SLC4A5: variants seen among roughly 807,000 people sequenced by gnomAD.
SLC4A5 encodes the protein electrogenic sodium bicarbonate cotransporter 4.
A neutral mutation model predicts 120.4 loss-of-function variants in SLC4A5; 96 were observed. The ratio of observed to expected loss-of-function variants is 0.80; its 90% CI spans 0.68 to 0.94. The LOEUF is 0.94. SLC4A5 is among the 40% of genes least tolerant of loss of function. The probability of loss-of-function intolerance (pLI) is 0.00; values close to 1 mark genes in which losing one functional copy is unlikely to be tolerated. For missense variants in SLC4A5, 1,259 were observed against 1,459.5 expected, an observed-to-expected ratio of 0.86 and a Z score of 2.24; for synonymous variants, 550 against 571.1, an observed-to-expected ratio of 0.96 and a Z score of 0.53.
intron 5 of SLC4A5, chr2:74,319,422 A>G (rs543377515): frequency 6.6e-6 from 1 of 152,334 alleles, no homozygotes; most frequent in African/African-American, 2.4e-5. Context: ...TAGCACATAT[A>G]CTAAAACTGG....
chr2:74,304,455 T>C, intron 7 of SLC4A5, 34 bp downstream of exon 7: 1 of 1,573,448 alleles, frequency 6.4e-7, no homozygotes, highest in Non-Finnish European at 8.6e-7. Context: ...ACCAGCAGGA[T>C]GGCTCCCCAG....
chr2:74,335,716 G>A (rs2104350839), intron 3 of SLC4A5, among the ~76,000 whole-genome samples: 1 of 152,234 alleles, frequency 6.6e-6, no homozygotes, highest in African/African-American at 2.4e-5. Context: ...TGGAGGAAAA[G>A]ATTTCATTTT....
Position 74,277,971 on chromosome 2 carries a change from T to C in SLC4A5, c.401+7802A>G, listed in dbSNP as rs149551985. Among the ~76,000 whole-genome samples, 923 of 152,172 alleles carry C rather than the reference T, an allele frequency of 6.1e-3. 4 individuals are homozygous for C. The highest frequency in any genetic ancestry group is 0.021 in the African/African-American group (874 of 41,504). ...AAAAAGTGGTGGAGATAGATAAATATGAAACTTTGATGAAGCTGGGTGATG... is the reference window on the plus strand; with the variant it reads ...AAAAAGTGGTGGAGATAGATAAATACGAAACTTTGATGAAGCTGGGTGATG... On this transcript the variant is annotated intron_variant, in intron 8 of 30. Coordinates refer to ENST00000394019, the Ensembl canonical transcript of SLC4A5.
At chr2:74,249,634 G>A (rs1350008156) in intron 17 of SLC4A5, among the ~76,000 whole-genome samples, 3 of 152,122 alleles carry the variant, frequency 2.0e-5, no homozygotes, top group African/African-American at 7.2e-5. Context: ...GTGAACCACG[G>A]TATCACCTGC....
intron 11 of SLC4A5, 123 bp downstream of exon 11, chr2:74,262,014 T>C: frequency 1.2e-6 from 1 of 819,482 alleles, no homozygotes. Flanking sequence ...CTCCTCCTGA[T>C]GCATGCCCTG....
intron 8 of SLC4A5, among the ~76,000 whole-genome samples, chr2:74,276,845 G>A (rs75173799): frequency 0.021 from 3,200 of 152,042 alleles, 46 homozygotes; most frequent in Non-Finnish European, 0.027. Flanking sequence ...ATTTGGAATC[G>A]CTGTGGGATG....
At chr2:74,280,776 C>A (rs574873653) in intron 8 of SLC4A5, among the ~76,000 whole-genome samples, 1 of 152,232 alleles carries the variant, frequency 6.6e-6, no homozygotes, top group Non-Finnish European at 1.5e-5. Context: ...CCTCCGCCTC[C>A]CAGGTTCAAG....
At position 74,246,286 on chromosome 2, in the gene SLC4A5, A is replaced by G. The variant is rs370742615; in HGVS notation, c.2059+750T>C. ...CAGATGGACATCCAGAGAGTGTCCAAGTAACTTGCTACCAACCAAGGGGGC... is the reference window on the plus strand; with the variant it reads ...CAGATGGACATCCAGAGAGTGTCCAGGTAACTTGCTACCAACCAAGGGGGC... On this transcript the variant is annotated intron_variant, in intron 19 of 30. Coordinates refer to ENST00000394019, the Ensembl canonical transcript of SLC4A5. Among the ~76,000 whole-genome samples the G allele has an allele frequency of 2.6e-5, 4 of 152,182 alleles. No individual in the cohort carries two copies. In the East Asian group the frequency reaches 5.8e-4, roughly 22 times the overall value.
At chr2:74,299,315 C>T (rs982179814) in intron 7 of SLC4A5, among the ~76,000 whole-genome samples, 2 of 152,148 alleles carry the variant, frequency 1.3e-5, no homozygotes, top group African/African-American at 4.8e-5. Flanking sequence ...TGCGCCATTG[C>T]ACTCCATCCT....
chr2:74,232,731 A>G (rs1670137532), intron 23 of SLC4A5, 84 bp from the exon 24 acceptor site: 3 of 1,515,968 alleles, frequency 2.0e-6, no homozygotes, highest in East Asian at 4.8e-5. Context: ...ACATGGTTCA[A>G]GGACCCCCTG....
chr2:74,307,252 A>G (rs1672672057), intron 6 of SLC4A5: 2 of 514,454 alleles, frequency 3.9e-6, no homozygotes, highest in East Asian at 4.2e-5. Flanking sequence ...AGCTAATCAT[A>G]TTGGGCCCAG....
intron 5 of SLC4A5, among the ~76,000 whole-genome samples, chr2:74,318,568 C>A (rs1398237243): frequency 6.6e-6 from 1 of 152,002 alleles, no homozygotes; most frequent in East Asian, 1.9e-4. Context: ...TGCCTGTAAT[C>A]CCAGATACTC....
At position 74,231,003 on chromosome 2, in the gene SLC4A5, C is replaced by T. The variant is rs539339698; in HGVS notation, c.2847+233G>A. Among the ~76,000 whole-genome samples, 426 of 152,198 alleles carry T rather than the reference C, an allele frequency of 2.8e-3. 3 individuals carry two copies. The highest frequency in any genetic ancestry group is 9.9e-3 in the African/African-American group (411 of 41,518). On this transcript the variant is annotated intron_variant, in intron 25 of 30. Transcript: ENST00000394019. ...TGTATTTTTAGTAGAGACAGGGTTT[C>T]ACCATGTTGGTCAGGCTGGTCTTGA...
At chr2:74,244,219 A>C (rs1280973593) in intron 19 of SLC4A5, among the ~76,000 whole-genome samples, 2 of 152,198 alleles carry the variant, frequency 1.3e-5, no homozygotes, top group African/African-American at 4.8e-5. Flanking sequence ...CTGAAATTTT[A>C]ATCTTACTGG....
At chr2:74,333,862 G>T (rs1326551619) in intron 4 of SLC4A5, among the ~76,000 whole-genome samples, 165 bp downstream of exon 4, 1 of 152,166 alleles carries the variant, frequency 6.6e-6, no homozygotes, top group Non-Finnish European at 1.5e-5. Flanking sequence ...TAGGACCATG[G>T]CATGGGGGCA....
intron 7 of SLC4A5, among the ~76,000 whole-genome samples, chr2:74,302,540 C>T (rs923509648): frequency 2.0e-5 from 3 of 152,202 alleles, no homozygotes; most frequent in Non-Finnish European, 4.4e-5. Context: ...TCACTTGAAC[C>T]TGGGAGGCAG....
At chr2:74,311,225 A>G (rs1392660889) in intron 6 of SLC4A5, among the ~76,000 whole-genome samples, 1 of 151,992 alleles carries the variant, frequency 6.6e-6, no homozygotes, top group African/African-American at 2.4e-5. Flanking sequence ...AGATTCATCA[A>G]TTTTATTAAT....
chr2:74,309,516 T>C (rs1436885693), intron 6 of SLC4A5, among the ~76,000 whole-genome samples: 1 of 152,186 alleles, frequency 6.6e-6, no homozygotes, highest in Non-Finnish European at 1.5e-5. Flanking sequence ...TCTTTTGCCT[T>C]ACCATATACA....
In SLC4A5 at chr2:74,252,404, G is replaced by A. The variant is rs1411872531; in HGVS notation, c.1269-16C>T. ...CACAGATTTCCTGGAAGAGAAGGGG[G>A]ATGAAGGAGAGTGGGTCCCCCAGAG... On this transcript the variant is annotated splice_polypyrimidine_tract_variant and intron_variant, in intron 15 of 30. Transcript: ENST00000394019. The A allele has an allele frequency of 1.2e-6, 2 of 1,605,104 alleles. No individual in the cohort carries two copies. Among genetic ancestry groups the A allele is most frequent in the Non-Finnish European group, 1.7e-6 (2 of 1,173,092 alleles).
Sources: gnomAD v4.1 joint callset for allele counts (sites outside exome capture counted in the v4.1 genomes callset) on GRCh38, gnomAD v4.1.1 for gene constraint, MANE v1.5 for transcripts, NCBI Gene and HGNC (gene_info 2026-07-23, HGNC 2026-07-21) for gene names.